Variants in LRRC52 observed in about 807,000 individuals in gnomAD.
LRRC52 encodes leucine-rich repeat-containing protein 52.
In LRRC52, 15 loss-of-function variants were observed where a neutral mutation model predicts 14.7. The observed-to-expected ratio is 1.02, with a 90% CI of 0.68 to 1.58. The LOEUF is 1.58. LRRC52 is among the 40% of genes most tolerant of loss of function. The probability of loss-of-function intolerance (pLI) is 0.00; values close to 1 mark genes in which losing one functional copy is unlikely to be tolerated. For synonymous variants in LRRC52, 180 were observed against 163.9 expected (o/e 1.10, Z -0.75); for missense variants, 400 against 387.7 (o/e 1.03, Z -0.27).
chr1:165,551,705 T>A (rs1162339131), intron 1 of LRRC52, among the ~76,000 whole-genome samples: 2 of 152,058 alleles, frequency 1.3e-5, no homozygotes, highest in Admixed American at 6.5e-5. Context: ...AGGGAGCAGA[T>A]GGGTTGAGTC....
At chr1:165,563,465 C>T (rs369856915) in intron 1 of LRRC52, 40 bp from the exon 2 acceptor site, 62 of 1,562,604 alleles carry the variant, frequency 4.0e-5, no homozygotes, top group Middle Eastern at 3.6e-4. Flanking sequence ...CTGGGAGTCA[C>T]GCTGTTTCAG....
chr1:165,544,203 G>GCCCCGCCCCCCCC lies in LRRC52; in HGVS notation c.-90_-89insGCCCCCCCCCCCC. ...CTAAAGTGTTACAGTTCTTTCCAGA[G>GCCCCGCCCCCCCC]CCCCTCCCCCGCCCCACCCCCCCAC... On this transcript the variant is annotated 5_prime_UTR_variant, in exon 1 of 2. Transcript: ENST00000294818. The GCCCCGCCCCCCCC allele has an allele frequency of 5.0e-6, 5 of 1,001,758 alleles. No homozygotes were observed. The highest frequency in any genetic ancestry group is 1.6e-5 in the South Asian group (1 of 63,716). 62.1% of individuals were successfully genotyped at this position (1,001,758 alleles called of 1,614,324 possible). A position where few individuals can be genotyped will look rare whatever the true frequency, so the allele number is the denominator to read the frequency against.
rs1198772831 is a variant in LRRC52 at position 165,544,696 on chromosome 1, A to G, written c.400A>G (p.Asn134Asp). ...LSNLVQLNIANNPHLLSLHKF... is the reference protein window; with the variant it reads ...LSNLVQLNIADNPHLLSLHKF... ...CAACCTGGTGCAGCTGAACATTGCC[A>G]ACAACCCTCACCTGTTATCGCTTCA... The change falls in exon 1 of 2, where the codon AAC becomes GAC. Residue 134 changes from asparagine to aspartate, a missense_variant. By Grantham distance (23) the Asn-to-Asp change is conservative. Transcript: ENST00000294818. The G allele has an allele frequency of 6.2e-7, 1 of 1,613,954 alleles. No homozygotes were observed. The highest frequency in any genetic ancestry group is 8.5e-7 in the Non-Finnish European group (1 of 1,180,018).
intron 1 of LRRC52, 24 bp from the exon 2 acceptor site, chr1:165,563,481 T>C (rs1661389747): frequency 6.3e-7 from 1 of 1,592,670 alleles, no homozygotes; most frequent in Admixed American, 1.7e-5. Flanking sequence ...TTCAGCACCC[T>C]GCCTGCTGTG....
intron 1 of LRRC52, among the ~76,000 whole-genome samples, chr1:165,562,389 T>C (rs1394622209): frequency 6.6e-6 from 1 of 152,154 alleles, no homozygotes; most frequent in Non-Finnish European, 1.5e-5. Context: ...GCTGGATACA[T>C]TCACCTGAGC....
intron 1 of LRRC52, among the ~76,000 whole-genome samples, chr1:165,554,381 TA>T (rs1230298545): frequency 6.6e-6 from 1 of 152,130 alleles, no homozygotes; most frequent in African/African-American, 2.4e-5. Flanking sequence ...GATGATGTCA[TA>T]AAAAACACCT....
chr1:165,554,993 T>C (rs1428641690), intron 1 of LRRC52, among the ~76,000 whole-genome samples: 1 of 152,198 alleles, frequency 6.6e-6, no homozygotes, highest in Non-Finnish European at 1.5e-5. Flanking sequence ...GGGATCTGAG[T>C]ACATGCATTC....
At position 165,554,576 on chromosome 1, in the gene LRRC52, A is replaced by G. The variant is rs137912353; in HGVS notation, c.623-8929A>G. Among the ~76,000 whole-genome samples, 202 of 152,256 alleles carry G rather than the reference A, an allele frequency of 1.3e-3. 2 individuals carry two copies. Among genetic ancestry groups the G allele is most frequent in the Admixed American group, 5.2e-4 (8 of 15,302 alleles). ...CTCAGCATCCCCAGGAGCTGGGACT[A>G]TAAGTATGTGCCACCATGCTTAGAC... On this transcript the variant is annotated intron_variant, in intron 1 of 1. Transcript: ENST00000294818.
intron 1 of LRRC52, among the ~76,000 whole-genome samples, chr1:165,561,310 C>A (rs1370226290): frequency 2.0e-5 from 3 of 152,110 alleles, no homozygotes; most frequent in Non-Finnish European, 4.4e-5. Context: ...TGAGATAAAC[C>A]CCCCTAGACA....
chr1:165,558,618 T>C (rs1455072928), intron 1 of LRRC52, among the ~76,000 whole-genome samples: 1 of 151,962 alleles, frequency 6.6e-6, no homozygotes, highest in Non-Finnish European at 1.5e-5. Flanking sequence ...CATACTAGAA[T>C]AGTAAAAGAA....
chr1:165,546,438 T>C (rs1557962606), intron 1 of LRRC52, among the ~76,000 whole-genome samples: 1 of 152,214 alleles, frequency 6.6e-6, no homozygotes, highest in Non-Finnish European at 1.5e-5. Flanking sequence ...GCAGAGATAA[T>C]GTTTTCTACT....
chr1:165,547,741 G>T (rs148489165), intron 1 of LRRC52, among the ~76,000 whole-genome samples: 1 of 151,842 alleles, frequency 6.6e-6, no homozygotes, highest in African/African-American at 2.4e-5. Flanking sequence ...ACCTACTTAC[G>T]TACCCATCCA....
In LRRC52 at chr1:165,544,467, G is replaced by C; in HGVS notation, c.171G>C (p.Arg57Ser). The C allele has an allele frequency of 6.2e-7, 1 of 1,614,144 alleles. No homozygotes were observed. Among genetic ancestry groups the C allele is most frequent in the Non-Finnish European group, 8.5e-7 (1 of 1,180,026 alleles). ...TTGACATACCCCTGAACACCCGGAG[G>C]CTGTTCCTGAACGAGAACAGAATCA... ...YPLDIPLNTR[R>S]LFLNENRITS... Residue 57 changes from arginine (R) to serine (S), a missense_variant, in exon 1 of 2, where the codon AGG becomes AGC. Coordinates refer to ENST00000294818, the MANE Select transcript of LRRC52 (RefSeq NM_001005214.4).
chr1:165,552,988 T>G (rs1402662976), intron 1 of LRRC52, among the ~76,000 whole-genome samples: 1 of 152,210 alleles, frequency 6.6e-6, no homozygotes, highest in Non-Finnish European at 1.5e-5. Context: ...TTGACCTTAC[T>G]GAGTGGGAAG....
At position 165,544,495 on chromosome 1, in the gene LRRC52, A is replaced by C; in HGVS notation, c.199A>C (p.Ser67Arg). Residue 67 changes from serine (S) to arginine (R), a missense_variant, in exon 1 of 2, where the codon AGT (serine) becomes CGT (arginine). Physicochemically the swap from Ser to Arg is moderately radical, Grantham distance 110. Transcript: ENST00000294818. ...GTTCCTGAACGAGAACAGAATCACTAGTTTGCCAGCAATGCATCTAGGACT... is the reference window on the plus strand; with the variant it reads ...GTTCCTGAACGAGAACAGAATCACTCGTTTGCCAGCAATGCATCTAGGACT... ...RLFLNENRIT[S>R]LPAMHLGLLS... 6.2e-7 allele frequency: 1 copy of C among 1,614,156 alleles called. No individual in the cohort carries two copies. Among genetic ancestry groups the C allele is most frequent in the South Asian group, 1.1e-5 (1 of 91,072 alleles).
At chr1:165,558,787 C>T (rs905403366) in intron 1 of LRRC52, among the ~76,000 whole-genome samples, 1 of 152,044 alleles carries the variant, frequency 6.6e-6, no homozygotes, top group African/African-American at 2.4e-5. Flanking sequence ...TGTCAATGGG[C>T]TTATTAAAAT....
At chr1:165,554,305 T>A (rs1661190409) in intron 1 of LRRC52, among the ~76,000 whole-genome samples, 1 of 151,508 alleles carries the variant, frequency 6.6e-6, no homozygotes, top group Admixed American at 6.6e-5. Context: ...ACAAACAGGG[T>A]GAGCAGAGGC....
chr1:165,544,208 T>TA lies in LRRC52; in HGVS notation c.-89_-88insA. 1 of 448,100 alleles carries TA rather than the reference T, an allele frequency of 2.2e-6. No individual in the cohort carries two copies. The highest frequency in any genetic ancestry group is 4.2e-6 in the Non-Finnish European group (1 of 235,722). 27.8% of individuals were successfully genotyped at this position (448,100 alleles called of 1,614,324 possible). A position where few individuals can be genotyped will look rare whatever the true frequency, so the allele number is the denominator to read the frequency against. ...GTGTTACAGTTCTTTCCAGAGCCCC[T>TA]CCCCCGCCCCACCCCCCCACCGGCA... On this transcript the variant is annotated 5_prime_UTR_variant, in exon 1 of 2. Transcript: ENST00000294818.
chr1:165,562,289 A>G (rs751751678), intron 1 of LRRC52, among the ~76,000 whole-genome samples: 1 of 152,238 alleles, frequency 6.6e-6, no homozygotes, highest in Non-Finnish European at 1.5e-5. Context: ...AACTTAGTGC[A>G]TAGTAAGCAC....
Sources: gnomAD v4.1 joint callset for allele counts (sites outside exome capture counted in the v4.1 genomes callset) on GRCh38, gnomAD v4.1.1 for gene constraint, MANE v1.5 for transcripts, NCBI Gene and HGNC (gene_info 2026-07-23, HGNC 2026-07-21) for gene names.